ENTPD7: variants seen among roughly 807,000 people sequenced by gnomAD.
The protein encoded by ENTPD7 is NTPDase 7.
A neutral mutation model predicts 77.9 loss-of-function variants in ENTPD7; 53 were observed. The ratio of observed to expected loss-of-function variants is 0.68; its 90% CI spans 0.55 to 0.85. ENTPD7 has a LOEUF of 0.85. ENTPD7 is among the 40% of genes least tolerant of loss of function. The pLI is 0.00. For missense variants in ENTPD7, 636 were observed against 743.7 expected, an observed-to-expected ratio of 0.86 and a Z score of 1.68; for synonymous variants, 248 against 274.9, an observed-to-expected ratio of 0.90 and a Z score of 0.97.
intron 3 of ENTPD7, among the ~76,000 whole-genome samples, chr10:99,673,996 C>G (rs965112353): frequency 5.3e-5 from 7 of 133,308 alleles, no homozygotes; most frequent in Admixed American, 2.2e-4. Context: ...CTTAGGGGCT[C>G]ATACTGAAAT....
chr10:99,667,180 C>T (rs889800795), intron 3 of ENTPD7, among the ~76,000 whole-genome samples: 1 of 152,220 alleles, frequency 6.6e-6, no homozygotes, highest in Non-Finnish European at 1.5e-5. Flanking sequence ...CCCTGGAATG[C>T]TGTGGCTCAG....
chr10:99,677,539 AT>A (rs1457883955), intron 3 of ENTPD7, among the ~76,000 whole-genome samples: 1 of 151,754 alleles, frequency 6.6e-6, no homozygotes, highest in Non-Finnish European at 1.5e-5. Flanking sequence ...TAATTTTTGT[AT>A]TTTTAGTAGA....
chr10:99,691,583 T>G (rs2035884799), intron 8 of ENTPD7, 65 bp downstream of exon 8: 1 of 1,580,482 alleles, frequency 6.3e-7, no homozygotes, highest in Non-Finnish European at 8.6e-7. Flanking sequence ...AAGGACACTG[T>G]CTTTGGACTT....
chr10:99,693,382 A>G (rs543993059), intron 8 of ENTPD7, among the ~76,000 whole-genome samples: 2 of 152,324 alleles, frequency 1.3e-5, no homozygotes, highest in East Asian at 1.9e-4. Flanking sequence ...AGAGAATTTC[A>G]TGCTGGGGTT....
intron 12 of ENTPD7, among the ~76,000 whole-genome samples, chr10:99,703,026 A>C (rs1243433951): frequency 6.6e-6 from 1 of 152,230 alleles, no homozygotes; most frequent in Non-Finnish European, 1.5e-5. Flanking sequence ...TTACCCTGGA[A>C]AACACATCTG....
At chr10:99,667,293 A>G (rs6584307) in intron 3 of ENTPD7, among the ~76,000 whole-genome samples, 127,820 of 152,174 alleles carry the variant, frequency 0.84, 53,931 homozygotes, top group Middle Eastern at 0.92. Flanking sequence ...TTAAGAGGCA[A>G]ACATTTATTG....
intron 3 of ENTPD7, among the ~76,000 whole-genome samples, chr10:99,678,016 T>G (rs1219178289): frequency 6.6e-6 from 1 of 152,058 alleles, no homozygotes; most frequent in Non-Finnish European, 1.5e-5. Flanking sequence ...CTGAAAAAAT[T>G]CCAACACAAA....
At chr10:99,696,740 A>G (rs2035990604) in intron 9 of ENTPD7, among the ~76,000 whole-genome samples, 1 of 152,180 alleles carries the variant, frequency 6.6e-6, no homozygotes, top group African/African-American at 2.4e-5. Flanking sequence ...CTGTAAAATT[A>G]TTTATTTTAT....
At chr10:99,664,418 GC>G (rs1410556124) in intron 3 of ENTPD7, among the ~76,000 whole-genome samples, 3 of 150,962 alleles carry the variant, frequency 2.0e-5, no homozygotes, top group Non-Finnish European at 4.4e-5. Flanking sequence ...GAGCCACTGT[GC>G]CTGGCCTCAT....
chr10:99,704,516 A>C lies in ENTPD7; in HGVS notation c.1648A>C (p.Asn550His). ...GSWFRLSFVY[N>H]HYLFFACILV... The stretch of plus-strand genomic sequence containing the variant: ...CTGGTTCCGTCTCTCCTTTGTATAC[A>C]ACCACTATCTCTTCTTTGCCTGTAT... The change falls in exon 13 of 13, where the codon AAC (asparagine) becomes CAC (histidine). Residue 550 changes from asparagine to histidine, a missense_variant. Physicochemically the swap from Asn to His is moderately conservative, Grantham distance 68 (BLOSUM62 1). This residue lies in a region of ENTPD7 where 138 missense variants were observed against 150.9 expected (regional missense o/e 0.91). Transcript: ENST00000370489. 6.2e-7 allele frequency: 1 copy of C among 1,614,168 alleles called. No individual in the cohort carries two copies. The highest frequency in any genetic ancestry group is 2.2e-5 in the East Asian group (1 of 44,880).
intron 3 of ENTPD7, among the ~76,000 whole-genome samples, chr10:99,672,134 A>C (rs1410637262): frequency 6.6e-6 from 1 of 152,066 alleles, no homozygotes; most frequent in Non-Finnish European, 1.5e-5. Context: ...GGTGCATGCC[A>C]CCGTGCCTGG....
Position 99,681,267 on chromosome 10 carries a change from ATTAT to A in ENTPD7, c.548+1416_548+1419del, listed in dbSNP as rs34561300. 4.7e-3 allele frequency among the ~76,000 whole-genome samples: 696 copies of A among 149,458 alleles called. 5 individuals are homozygous for A. The highest frequency in any genetic ancestry group is 0.016 in the African/African-American group (649 of 40,584). Reference sequence around the variant, plus strand: ...GATTGCTGGATCATATGACAGTTTGATTATTTATTTATTTATTTATTTATTTACT... The same window carrying A: ...GATTGCTGGATCATATGACAGTTTGATTATTTATTTATTTATTTATTTACT... On this transcript the variant is annotated intron_variant, in intron 5 of 12. Coordinates refer to ENST00000370489, the MANE Select transcript of ENTPD7 (RefSeq NM_020354.5).
intron 11 of ENTPD7, 124 bp from the exon 12 acceptor site, chr10:99,702,388 G>A: frequency 1.3e-6 from 1 of 756,730 alleles, no homozygotes; most frequent in Non-Finnish European, 2.0e-6. Context: ...TTAGAGGTGA[G>A]GAAGGTGAAG....
Position 99,698,521 on chromosome 10 carries a change from G to A in ENTPD7, c.1011-13G>A. The A allele has an allele frequency of 6.3e-7, 1 of 1,599,500 alleles. No homozygotes were observed. Among genetic ancestry groups the A allele is most frequent in the East Asian group, 2.2e-5 (1 of 44,824 alleles). On this transcript the variant is annotated splice_polypyrimidine_tract_variant and intron_variant, in intron 9 of 12. Transcript: ENST00000370489. ...CGTGTTTGTTTGTTTGTTTGTTTTTGTCATTGTGGCAGATTGCTTGGTCAG... is the reference window on the plus strand; with the variant it reads ...CGTGTTTGTTTGTTTGTTTGTTTTTATCATTGTGGCAGATTGCTTGGTCAG...
At chr10:99,664,348 A>G (rs1590036003) in intron 3 of ENTPD7, among the ~76,000 whole-genome samples, 1 of 151,962 alleles carries the variant, frequency 6.6e-6, no homozygotes, top group Admixed American at 6.5e-5. Flanking sequence ...ATAACCTTCA[A>G]TTCCTGGGTT....
intron 8 of ENTPD7, among the ~76,000 whole-genome samples, chr10:99,695,583 T>A (rs1564634130): frequency 1.4e-5 from 2 of 144,152 alleles, no homozygotes; most frequent in Admixed American, 7.2e-5. Context: ...TCCACAGAGT[T>A]CCTTAAATTT....
chr10:99,687,898 C>T (rs2035834479), intron 6 of ENTPD7, among the ~76,000 whole-genome samples: 1 of 152,072 alleles, frequency 6.6e-6, no homozygotes, highest in African/African-American at 2.4e-5. Context: ...CAGGGCCAAG[C>T]GGTAGGAGGA....
In ENTPD7 at chr10:99,698,714, G is replaced by A; in HGVS notation, c.1191G>A (p.Gln397=). The change falls in exon 10 of 13, where the codon CAG becomes CAA. Residue 397 remains glutamine (Q), a synonymous_variant. Transcript: ENST00000370489. ...SPLLARSNTS[Q]ASLNGIYQSP... ...TGCTGGCTCGCTCCAACACCAGCCA[G>A]GCCTCACTCAATGGCATATATCAAT... 6.2e-7 allele frequency: 1 copy of A among 1,614,210 alleles called. No homozygotes were observed. The highest frequency in any genetic ancestry group is 1.1e-5 in the South Asian group (1 of 91,088).
chr10:99,690,009 A>G (rs965398694), intron 7 of ENTPD7, among the ~76,000 whole-genome samples: 3 of 152,244 alleles, frequency 2.0e-5, no homozygotes, highest in Admixed American at 6.5e-5. Context: ...CCAGTGAAAA[A>G]AAAGTTTTAA....
Sources: gnomAD v4.1 joint callset for allele counts (sites outside exome capture counted in the v4.1 genomes callset) on GRCh38, gnomAD v4.1.1 for gene constraint, gnomAD v4.1.1 regional missense constraint, MANE v1.5 for transcripts, NCBI Gene and HGNC (gene_info 2026-07-23, HGNC 2026-07-21) for gene names.